GPSM1: variants seen among roughly 807,000 people sequenced by gnomAD.
GPSM1 encodes the protein G protein-signaling modulator 1.
In GPSM1, 48 loss-of-function variants were observed where a neutral mutation model predicts 70.5. The ratio of observed to expected loss-of-function variants is 0.68; its 90% confidence interval spans 0.54 to 0.87. The LOEUF (loss-of-function observed/expected upper bound fraction) is 0.87. Among genes scored for constraint, GPSM1 ranks in the 40% least tolerant of loss-of-function variants. The pLI, the probability that GPSM1 is intolerant of heterozygous loss-of-function variation, is 0.00. For missense variants in GPSM1, 981 were observed against 972.6 expected (o/e 1.01, Z -0.11); for synonymous variants, 416 against 430.1 (o/e 0.97, Z 0.41).
At chr9:136,346,710 C>T (rs889225312) in intron 9 of GPSM1, among the ~76,000 whole-genome samples, 1 of 152,204 alleles carries the variant, frequency 6.6e-6, no homozygotes, top group African/African-American at 2.4e-5. Flanking sequence ...CACTCGGGCC[C>T]ATTTCCTCCC....
In GPSM1 at chr9:136,336,975, A is replaced by G; in HGVS notation, c.481A>G (p.Lys161Glu). Reference protein sequence around the residue: ...NIGNVYHAKGKQLSWNAANAT... With the variant: ...NIGNVYHAKGEQLSWNAANAT... ...CGGGAACGTGTACCACGCCAAAGGC[A>G]AGCAACTGTCCTGGAACGCCGCAAA... The change falls in exon 4 of 14, where the codon AAG becomes GAG. Residue 161 changes from lysine to glutamate, a missense_variant. Physicochemically the swap from Lys to Glu is moderately conservative, Grantham distance 56. Coordinates refer to ENST00000440944, the MANE Select transcript of GPSM1 (RefSeq NM_001145638.3). 6.4e-7 allele frequency: 1 copy of G among 1,556,702 alleles called. No individual in the cohort carries two copies. Among genetic ancestry groups the G allele is most frequent in the Non-Finnish European group, 8.7e-7 (1 of 1,150,712 alleles).
In GPSM1 at chr9:136,334,172, C is replaced by T. The variant is rs541621046; in HGVS notation, c.69-275C>T. On this transcript the variant is annotated intron_variant, in intron 1 of 13. Coordinates refer to ENST00000440944, the MANE Select transcript of GPSM1 (RefSeq NM_001145638.3). ...CTGGGCCTGAGGGTCTTGCCGGGGT[C>T]ACAAACTCACACCTTTGCCCCAGTG... Among the ~76,000 whole-genome samples the T allele has an allele frequency of 5.3e-5, 8 of 152,344 alleles. No individual in the cohort carries two copies. The East Asian group carries it at 1.5e-3, about 29-fold the overall frequency.
intron 7 of GPSM1, 103 bp downstream of exon 7, chr9:136,338,813 G>A (rs978226874): frequency 1.7e-6 from 2 of 1,194,330 alleles, no homozygotes; most frequent in African/African-American, 3.0e-5. Context: ...CTCTGCCACT[G>A]ACCATGCTGT....
intron 9 of GPSM1, 85 bp from the exon 10 acceptor site, chr9:136,348,612 C>T (rs1477161152): frequency 5.8e-6 from 6 of 1,038,194 alleles, no homozygotes; most frequent in Non-Finnish European, 8.5e-6. Context: ...CGGGCTGGTC[C>T]TTGGCCCCCC....
At position 136,327,782 on chromosome 9, in the gene GPSM1, G is replaced by C; in HGVS notation, c.68+19G>C. 1.9e-6 allele frequency: 2 copies of C among 1,038,356 alleles called. No individual in the cohort carries two copies. Among genetic ancestry groups the C allele is most frequent in the Non-Finnish European group, 2.4e-6 (2 of 825,848 alleles). The allele number at this position is 1,038,356 out of a possible 1,614,324, so 64.3% of individuals were successfully genotyped here. A position where few individuals can be genotyped will look rare whatever the true frequency, so the allele number is the denominator to read the frequency against. On this transcript the variant is annotated intron_variant, in intron 1 of 13. Coordinates refer to ENST00000440944, the MANE Select transcript of GPSM1 (RefSeq NM_001145638.3). ...ACTCCAGGTAGGACGGGCCGGGGCC[G>C]GGGCCGGGGCCGGGGCTGGGACCGG...
rs570955125 is a variant in GPSM1 at position 136,329,740 on chromosome 9, G to A, written c.68+1977G>A. On this transcript the variant is annotated intron_variant, in intron 1 of 13. Transcript: ENST00000440944. ...GCCTGGAAAACACACTGACAGCGAG[G>A]CCCATGAATGTGCCCATGAGCCCAC... Among the ~76,000 whole-genome samples, 12 of 152,320 alleles carry A rather than the reference G, an allele frequency of 7.9e-5. No homozygotes were observed. The East Asian group carries it at 2.1e-3, about 27-fold the overall frequency.
chr9:136,344,634 T>C (rs931488653), intron 9 of GPSM1, among the ~76,000 whole-genome samples: 2 of 152,146 alleles, frequency 1.3e-5, no homozygotes, highest in African/African-American at 4.8e-5. Context: ...AGGGCTTTGA[T>C]CATGATGCTC....
At position 136,358,238 on chromosome 9, in the gene GPSM1, C is replaced by G. The variant is rs559771508; in HGVS notation, c.*18C>G. On this transcript the variant is annotated 3_prime_UTR_variant, in exon 14 of 14. Transcript: ENST00000440944. Reference sequence around the variant, plus strand: ...CGAGCTAAGGCCCTGTGCCCACCGCCAGGCCCACCCTGCCCCCACTCCTGG... The same window carrying G: ...CGAGCTAAGGCCCTGTGCCCACCGCGAGGCCCACCCTGCCCCCACTCCTGG... The G allele has an allele frequency of 1.3e-6, 2 of 1,528,272 alleles. No individual in the cohort carries two copies. Among genetic ancestry groups the G allele is most frequent in the East Asian group, 2.4e-5 (1 of 40,970 alleles). 94.7% of individuals were successfully genotyped at this position (1,528,272 alleles called of 1,614,324 possible). A position where few individuals can be genotyped will look rare whatever the true frequency, so the allele number is the denominator to read the frequency against.
At chr9:136,349,867 C>T in intron 11 of GPSM1, 104 bp downstream of exon 11, 1 of 1,146,586 alleles carries the variant, frequency 8.7e-7, no homozygotes, top group African/African-American at 1.6e-5. Context: ...CCCGGGCACT[C>T]CGGGGAGGCA....
intron 1 of GPSM1, among the ~76,000 whole-genome samples, chr9:136,329,616 C>A (rs1474850254): frequency 6.6e-6 from 1 of 152,176 alleles, no homozygotes; most frequent in Non-Finnish European, 1.5e-5. Context: ...GGATGGGGCT[C>A]CAGGTTGGCC....
At chr9:136,348,564 G>A (rs1223990895) in intron 9 of GPSM1, 133 bp from the exon 10 acceptor site, 4 of 607,508 alleles carry the variant, frequency 6.6e-6, no homozygotes, top group Admixed American at 2.9e-5. Context: ...CATGGCGCTC[G>A]CCTCCACAAG....
chr9:136,347,093 G>C (rs1261826760), intron 9 of GPSM1, among the ~76,000 whole-genome samples: 2 of 152,120 alleles, frequency 1.3e-5, no homozygotes, highest in East Asian at 3.9e-4. Flanking sequence ...ACATCTGCCT[G>C]ATGCAGGCAG....
rs368194568 is a variant in GPSM1 at position 136,338,688 on chromosome 9, A to G, written c.952A>G (p.Ile318Val). 16 of 1,562,716 alleles carry G rather than the reference A, an allele frequency of 1.0e-5. No individual in the cohort carries two copies. The African/African-American group carries it at 1.8e-4, about 17-fold the overall frequency. ...AAEYHLRHLLIAQELADRVGE... is the reference protein window; with the variant it reads ...AAEYHLRHLLVAQELADRVGE... Reference sequence around the variant, plus strand: ...CGAGTACCACCTGCGGCACCTGCTCATTGCCCAGGAGCTGGCCGACAGGTG... The same window carrying G: ...CGAGTACCACCTGCGGCACCTGCTCGTTGCCCAGGAGCTGGCCGACAGGTG... Residue 318 changes from isoleucine to valine, a missense_variant, in exon 7 of 14, where the codon ATT (isoleucine) becomes GTT (valine). Physicochemically the swap from Ile to Val is conservative, Grantham distance 29. Coordinates refer to ENST00000440944, the MANE Select transcript of GPSM1 (RefSeq NM_001145638.3).
rs538606549 is a variant in GPSM1 at position 136,336,442 on chromosome 9, A to T, written c.426+341A>T. On this transcript the variant is annotated intron_variant, in intron 3 of 13. Coordinates refer to ENST00000440944, the MANE Select transcript of GPSM1 (RefSeq NM_001145638.3). Reference sequence around the variant, plus strand: ...GGTGGCTCTGGGCTGCGGCAGTGGGAGGCCGATTTCAATGGCGGTGGTGAC... The same window carrying T: ...GGTGGCTCTGGGCTGCGGCAGTGGGTGGCCGATTTCAATGGCGGTGGTGAC... Among the ~76,000 whole-genome samples, 10 of 152,202 alleles carry T rather than the reference A, an allele frequency of 6.6e-5. No homozygotes were observed. The South Asian group carries it at 2.1e-3, about 32-fold the overall frequency.
chr9:136,344,597 C>T (rs1485405118), intron 9 of GPSM1, among the ~76,000 whole-genome samples: 1 of 152,222 alleles, frequency 6.6e-6, no homozygotes, highest in African/African-American at 2.4e-5. Context: ...AACCTCAGGA[C>T]CTCCTAACAC....
At position 136,327,676 on chromosome 9, in the gene GPSM1, C is replaced by T; in HGVS notation, c.-20C>T. ...CGGCGCGGGGGGCGCTCCCGGCTCC[C>T]GCTCCCGCGTCCCCGACCCATGGCG... is the stretch of plus-strand genomic sequence containing the variant. On this transcript the variant is annotated 5_prime_UTR_variant, in exon 1 of 14. Transcript: ENST00000440944. 3 of 1,045,354 alleles carry T rather than the reference C, an allele frequency of 2.9e-6. No individual in the cohort carries two copies. Among genetic ancestry groups the T allele is most frequent in the East Asian group, 5.7e-5 (1 of 17,398 alleles). 64.8% of individuals were successfully genotyped at this position (1,045,354 alleles called of 1,614,324 possible).
chr9:136,335,996 G>A lies in GPSM1; in HGVS notation c.321G>A (p.Lys107=). 2 of 1,612,590 alleles carry A rather than the reference G, an allele frequency of 1.2e-6. No individual in the cohort carries two copies. The highest frequency in any genetic ancestry group is 1.7e-6 in the Non-Finnish European group (2 of 1,179,896). The change falls in exon 3 of 14, where the codon AAG becomes AAA. Residue 107 remains lysine (K), a synonymous_variant. Transcript: ENST00000440944. ...TCGGTGACCGCATGGGGGAGGCCAA[G>A]GCCAGTGGAAACCTGGGAAACACAC... ...RTIGDRMGEA[K]ASGNLGNTLK... is the part of the protein sequence containing the mutation.
Position 136,359,357 on chromosome 9 carries a change from G to A in GPSM1, c.*1137G>A, listed in dbSNP as rs1832935778. On this transcript the variant is annotated 3_prime_UTR_variant, in exon 14 of 14. Transcript: ENST00000440944. Reference sequence around the variant, plus strand: ...GGGTGCCTCTAGGCCCCACTCTCAGGCTAGGATGGAGAGGCAGATCTGGGC... The same window carrying A: ...GGGTGCCTCTAGGCCCCACTCTCAGACTAGGATGGAGAGGCAGATCTGGGC... The A allele has an allele frequency of 6.6e-6, 1 of 152,174 alleles. No individual in the cohort carries two copies. Among genetic ancestry groups the A allele is most frequent in the Non-Finnish European group, 1.5e-5 (1 of 68,026 alleles). The allele number at this position is 152,174 out of a possible 1,614,324, so 9.4% of individuals were successfully genotyped here. A position where few individuals can be genotyped will look rare whatever the true frequency, so the allele number is the denominator to read the frequency against.
At position 136,344,220 on chromosome 9, in the gene GPSM1, C is replaced by T. The variant is rs1335494558; in HGVS notation, c.1207+3227C>T. On this transcript the variant is annotated intron_variant, in intron 9 of 13. Coordinates refer to ENST00000440944, the MANE Select transcript of GPSM1 (RefSeq NM_001145638.3). ...GGCGCGGACAGGAGCGGGGTGGGGGCGCGGACAGAAGCGGGGTGGGGCGCA... is the reference window on the plus strand; with the variant it reads ...GGCGCGGACAGGAGCGGGGTGGGGGTGCGGACAGAAGCGGGGTGGGGCGCA... Among the ~76,000 whole-genome samples the T allele has an allele frequency of 1.0e-3, 88 of 87,318 alleles. 2 individuals are homozygous for T. The highest frequency in any genetic ancestry group is 3.5e-3 in the African/African-American group (76 of 21,526). 57.3% of individuals were successfully genotyped at this position (87,318 alleles called of 152,430 possible). A position where few individuals can be genotyped will look rare whatever the true frequency, so the allele number is the denominator to read the frequency against.
Sources: gnomAD v4.1 joint callset for allele counts (sites outside exome capture counted in the v4.1 genomes callset) on GRCh38, gnomAD v4.1.1 for gene constraint, MANE v1.5 for transcripts, NCBI Gene and HGNC (gene_info 2026-07-23, HGNC 2026-07-21) for gene names.